The following TMEM132D variants were observed in gnomAD, a reference collection of about 807,000 sequenced individuals.
TMEM132D encodes the protein transmembrane protein 132D.
Under a neutral mutation model 62.3 loss-of-function variants are expected in TMEM132D, and 21 were observed. That is an observed-to-expected ratio of 0.34 (90% CI 0.24 to 0.49). The LOEUF (loss-of-function observed/expected upper bound fraction) is 0.49, where lower values mean the gene tolerates loss of function less well. Among genes scored for constraint, TMEM132D ranks in the 20% least tolerant of loss-of-function variants. The pLI is 0.99. For missense variants in TMEM132D, 1,346 were observed against 1,402.8 expected (o/e 0.96, Z 0.65); for synonymous variants, 621 against 575.6 (o/e 1.08, Z -1.13).
In TMEM132D at chr12:129,698,413, C is replaced by A. The variant is rs191956817; in HGVS notation, c.968+1397G>T. ...GTTCTGTTTCTTTAGTTAAAATAGG[C>A]ATTTCTAATACTAGGTCACAATCAA... On this transcript the variant is annotated intron_variant, in intron 2 of 8. Transcript: ENST00000422113. 9.1e-4 allele frequency among the ~76,000 whole-genome samples: 136 copies of A among 149,604 alleles called. 1 individual carries two copies. Among genetic ancestry groups the A allele is most frequent in the African/African-American group, 2.8e-3 (112 of 40,486 alleles).
At chr12:129,837,283 A>G (rs1873035815) in intron 1 of TMEM132D, among the ~76,000 whole-genome samples, 1 of 152,226 alleles carries the variant, frequency 6.6e-6, no homozygotes, top group African/African-American at 2.4e-5. Flanking sequence ...TTTATTCTCA[A>G]GGATATTCCC....
At chr12:129,362,680 C>T (rs1406671592) in intron 3 of TMEM132D, among the ~76,000 whole-genome samples, 2 of 152,096 alleles carry the variant, frequency 1.3e-5, no homozygotes, top group Non-Finnish European at 2.9e-5. Flanking sequence ...TTCGAGATCA[C>T]ATCTTGCCTG....
At chr12:129,168,954 A>C (rs1877640509) in intron 5 of TMEM132D, among the ~76,000 whole-genome samples, 2 of 152,178 alleles carry the variant, frequency 1.3e-5, no homozygotes, top group African/African-American at 4.8e-5. Context: ...CTAGCGGCCG[A>C]TAGAGGGACT....
chr12:129,239,818 T>C (rs892538438), intron 4 of TMEM132D, among the ~76,000 whole-genome samples: 2 of 152,182 alleles, frequency 1.3e-5, no homozygotes, highest in African/African-American at 4.8e-5. Flanking sequence ...CCTTGAGAAA[T>C]GACAGAGGAT....
chr12:129,287,806 C>A (rs537485489), intron 4 of TMEM132D, among the ~76,000 whole-genome samples: 1 of 152,298 alleles, frequency 6.6e-6, no homozygotes, highest in East Asian at 1.9e-4. Context: ...AAGAGACTAT[C>A]CGTTTCCCAC....
At chr12:129,636,093 T>A (rs1879468663) in intron 2 of TMEM132D, among the ~76,000 whole-genome samples, 1 of 152,312 alleles carries the variant, frequency 6.6e-6, no homozygotes, top group African/African-American at 2.4e-5. Flanking sequence ...GTTCTTATTA[T>A]GTAGATGAAG....
chr12:129,615,385 G>A (rs1004832791), intron 2 of TMEM132D, among the ~76,000 whole-genome samples: 3 of 151,718 alleles, frequency 2.0e-5, no homozygotes, highest in African/African-American at 4.8e-5. Context: ...TCAGTTCATC[G>A]TCACAGATAT....
intron 2 of TMEM132D, among the ~76,000 whole-genome samples, chr12:129,650,649 C>A (rs1307938610): frequency 6.6e-6 from 1 of 152,188 alleles, no homozygotes; most frequent in Non-Finnish European, 1.5e-5. Context: ...TTTTGTCAAT[C>A]TAATGGGTGT....
At chr12:129,473,263 A>G (rs1277743861) in intron 3 of TMEM132D, among the ~76,000 whole-genome samples, 1 of 150,978 alleles carries the variant, frequency 6.6e-6, no homozygotes, top group Non-Finnish European at 1.5e-5. Flanking sequence ...CAATAGCAAA[A>G]CGATTAGGAC....
In TMEM132D at chr12:129,864,605, A is replaced by C. The variant is rs1874001216; in HGVS notation, c.79+38656T>G. 2.0e-5 allele frequency among the ~76,000 whole-genome samples: 3 copies of C among 152,198 alleles called. 1 individual carries two copies. In the South Asian group the frequency reaches 6.2e-4, roughly 32 times the overall value. ...ACATAAGGAGACTGCCTGAGAAGGA[A>C]GCCACTCCCGAGGACAGCAGAGACA... On this transcript the variant is annotated intron_variant, in intron 1 of 8. Coordinates refer to ENST00000422113, the MANE Select transcript of TMEM132D (RefSeq NM_133448.3).
chr12:129,428,355 C>G (rs1362792617), intron 3 of TMEM132D, among the ~76,000 whole-genome samples: 1 of 152,126 alleles, frequency 6.6e-6, no homozygotes, highest in Non-Finnish European at 1.5e-5. Context: ...GTAGTAACAA[C>G]AAGAAACAAA....
chr12:129,223,889 G>A lies in TMEM132D; in HGVS notation c.1300-14226C>T, dbSNP rs2135574878. On this transcript the variant is annotated intron_variant, in intron 4 of 8. Transcript: ENST00000422113. ...TATACTCTTACAAATATTGTTCACT[G>A]TGGAGCAGGCTTTCTCAGACTTGAC... 1.3e-5 allele frequency among the ~76,000 whole-genome samples: 2 copies of A among 152,312 alleles called. 1 individual carries two copies. The highest frequency in any genetic ancestry group is 4.1e-4 in the South Asian group (2 of 4,830).
At chr12:129,107,539 TC>T (rs1875540931) in intron 5 of TMEM132D, among the ~76,000 whole-genome samples, 2 of 152,214 alleles carry the variant, frequency 1.3e-5, no homozygotes, top group Admixed American at 6.5e-5. Context: ...GGGGAAGAAC[TC>T]TCTATAAAGT....
At chr12:129,839,117 A>ATTTTTTTTTTTTTT (rs71085578) in intron 1 of TMEM132D, among the ~76,000 whole-genome samples, 249 of 20,706 alleles carry the variant, frequency 0.012, 83 homozygotes, top group Non-Finnish European at 0.013. Context: ...CGCCTGGCTA[A>ATTTTTTTTTTTTTT]TTTTTTTTTT....
rs1160838172 is a variant in TMEM132D at position 129,586,539 on chromosome 12, G to C, written c.969-55334C>G. Among the ~76,000 whole-genome samples the C allele has an allele frequency of 2.6e-5, 4 of 152,118 alleles. No homozygotes were observed. The East Asian group carries it at 7.7e-4, about 29-fold the overall frequency. On this transcript the variant is annotated intron_variant, in intron 2 of 8. Transcript: ENST00000422113. ...GCCAGCGTGGTCGGGTTCTAGGAGA[G>C]CCCTCTACCAGGCTGTAGACAACTG...
At chr12:129,533,248 G>A (rs7315606) in intron 2 of TMEM132D, among the ~76,000 whole-genome samples, 18,559 of 152,210 alleles carry the variant, frequency 0.12, 1,552 homozygotes, top group Admixed American at 0.26. Flanking sequence ...TAAAAACTGG[G>A]AATCGCATGC....
intron 1 of TMEM132D, among the ~76,000 whole-genome samples, chr12:129,747,139 C>T (rs10847932): frequency 0.96 from 144,188 of 150,670 alleles, 69,296 homozygotes; most frequent in Middle Eastern, 1. Flanking sequence ...GCCCACAAGG[C>T]CCTGAGCCCA....
chr12:129,493,977 T>C (rs1874875297), intron 3 of TMEM132D, among the ~76,000 whole-genome samples: 1 of 152,202 alleles, frequency 6.6e-6, no homozygotes, highest in Admixed American at 6.5e-5. Context: ...TTAGGTATAA[T>C]GTCAAATGGG....
At chr12:129,518,717 A>C (rs1875756483) in intron 3 of TMEM132D, among the ~76,000 whole-genome samples, 1 of 152,054 alleles carries the variant, frequency 6.6e-6, no homozygotes, top group Non-Finnish European at 1.5e-5. Context: ...ATCTTTTAAA[A>C]CACCATTTTG....
Sources: gnomAD v4.1 joint callset for allele counts (sites outside exome capture counted in the v4.1 genomes callset) on GRCh38, gnomAD v4.1.1 for gene constraint, MANE v1.5 for transcripts, NCBI Gene and HGNC (gene_info 2026-07-23, HGNC 2026-07-21) for gene names.